SIL1: variants seen among roughly 807,000 people sequenced by gnomAD.
SIL1 encodes the protein nucleotide exchange factor SIL1.
In SIL1, 40 loss-of-function variants were observed where a neutral mutation model predicts 49.1. The observed-to-expected ratio is 0.81, with a 90% confidence interval of 0.63 to 1.06. The LOEUF is 1.06. SIL1 is among the 50% of genes least tolerant of loss of function. The pLI is 0.00. For synonymous variants in SIL1, 253 were observed against 250.8 expected (o/e 1.01, Z -0.08); for missense variants, 500 against 572.6 (o/e 0.87, Z 1.29).
At chr5:139,161,455 C>G (rs1751512398) in intron 1 of SIL1, among the ~76,000 whole-genome samples, 1 of 152,094 alleles carries the variant, frequency 6.6e-6, no homozygotes, top group Non-Finnish European at 1.5e-5. Context: ...GAAAAAGGAG[C>G]CCTAGACATG....
chr5:139,005,136 C>G (rs931317885), intron 7 of SIL1, among the ~76,000 whole-genome samples: 3 of 152,106 alleles, frequency 2.0e-5, no homozygotes, highest in Non-Finnish European at 4.4e-5. Context: ...GTTAAGTGCT[C>G]TCACCACAAA....
chr5:139,120,302 AGGCTCTGGGGTCAAT>A (rs1750597605), intron 3 of SIL1, among the ~76,000 whole-genome samples: 1 of 152,362 alleles, frequency 6.6e-6, no homozygotes, highest in East Asian at 1.9e-4. Context: ...GAGTAGGCCC[AGGCTCTGGGGTCAAT>A]GGCATAGGGC....
At chr5:138,977,932 T>C (rs959749603) in intron 7 of SIL1, among the ~76,000 whole-genome samples, 1 of 152,220 alleles carries the variant, frequency 6.6e-6, no homozygotes, top group African/African-American at 2.4e-5. Flanking sequence ...TACATATGGC[T>C]GACTCAATCT....
At chr5:139,095,847 A>T (rs1419768805) in intron 3 of SIL1, among the ~76,000 whole-genome samples, 1 of 152,102 alleles carries the variant, frequency 6.6e-6, no homozygotes, top group African/African-American at 2.4e-5. Flanking sequence ...AAAAAAAAAA[A>T]ATTTAAAGAA....
intron 1 of SIL1, among the ~76,000 whole-genome samples, chr5:139,170,988 G>A (rs1255048527): frequency 8.1e-5 from 12 of 148,610 alleles, no homozygotes; most frequent in East Asian, 2.0e-4. Flanking sequence ...CGCCCCGTCC[G>A]GGAGGTGAGG....
chr5:139,154,230 TAA>T (rs34596830), intron 1 of SIL1, among the ~76,000 whole-genome samples: 3 of 151,664 alleles, frequency 2.0e-5, no homozygotes, highest in African/African-American at 7.3e-5. Flanking sequence ...AAATATCAGG[TAA>T]AAAAAAAGGC....
At chr5:139,052,128 C>G (rs1317011349) in intron 3 of SIL1, among the ~76,000 whole-genome samples, 1 of 152,110 alleles carries the variant, frequency 6.6e-6, no homozygotes, top group Non-Finnish European at 1.5e-5. Flanking sequence ...CTCAAATAAT[C>G]AGGTAAACTC....
intron 3 of SIL1, among the ~76,000 whole-genome samples, chr5:139,075,208 C>A (rs1485423383): frequency 6.6e-6 from 1 of 152,214 alleles, no homozygotes. Context: ...TCTGAAAGCA[C>A]TATCCACAGA....
intron 6 of SIL1, 145 bp downstream of exon 6, chr5:139,026,656 C>T (rs991534667): frequency 1.2e-5 from 10 of 817,666 alleles, no homozygotes; most frequent in African/African-American, 1.7e-5. Flanking sequence ...TATCTTACTA[C>T]AAAAGATAAC....
intron 7 of SIL1, among the ~76,000 whole-genome samples, chr5:139,010,728 T>G (rs1315792134): frequency 9.4e-4 from 142 of 151,048 alleles, no homozygotes; most frequent in Middle Eastern, 3.4e-3. Context: ...TGCCGTGTGA[T>G]GTGTCAGTGT....
chr5:139,173,790 C>CAAAAAAAAAA (rs70982756), intron 1 of SIL1, among the ~76,000 whole-genome samples: 1 of 106,364 alleles, frequency 9.4e-6, no homozygotes, highest in Non-Finnish European at 1.9e-5. Flanking sequence ...ACTAAAAATA[C>CAAAAAAAAAA]AAAAAAAAAA....
chr5:138,991,023 G>A (rs544559193), intron 7 of SIL1, among the ~76,000 whole-genome samples: 13 of 152,290 alleles, frequency 8.5e-5, no homozygotes, highest in Admixed American at 2.0e-4. Flanking sequence ...ACCCCCAGCC[G>A]GCTTTTTAAA....
At chr5:139,039,246 C>T (rs1271646989) in intron 5 of SIL1, among the ~76,000 whole-genome samples, 1 of 152,140 alleles carries the variant, frequency 6.6e-6, no homozygotes, top group Non-Finnish European at 1.5e-5. Flanking sequence ...GAGTTCAGGC[C>T]GTCCACTTGG....
chr5:139,157,898 T>G (rs1236557860), intron 1 of SIL1, among the ~76,000 whole-genome samples: 1 of 152,246 alleles, frequency 6.6e-6, no homozygotes, highest in African/African-American at 2.4e-5. Flanking sequence ...CTTTTCTTTT[T>G]GCTAGATGCT....
At chr5:139,013,942 T>G (rs1341802699) in intron 7 of SIL1, 1 of 152,226 alleles carries the variant, frequency 6.6e-6, no homozygotes, top group East Asian at 1.9e-4. Flanking sequence ...AATTTTTGTG[T>G]TAGACCATTT....
At chr5:139,157,229 ACTGT>A (rs1415522363) in intron 1 of SIL1, among the ~76,000 whole-genome samples, 3 of 152,318 alleles carry the variant, frequency 2.0e-5, no homozygotes, top group Admixed American at 2.0e-4. Flanking sequence ...AGTAAATCAA[ACTGT>A]CTAACAAAGG....
In SIL1 at chr5:139,064,563, T is replaced by C. The variant is rs116134318; in HGVS notation, c.245-13517A>G. 6.3e-3 allele frequency among the ~76,000 whole-genome samples: 967 copies of C among 152,356 alleles called. 12 individuals are homozygous for C. Among genetic ancestry groups the C allele is most frequent in the African/African-American group, 0.022 (907 of 41,590 alleles). ...TTATTCACCTGAGCCTCCTTTCACC[T>C]GTCAAAGTGTAATGACAATCCAAAT... On this transcript the variant is annotated intron_variant, in intron 3 of 9. Coordinates refer to ENST00000394817, the MANE Select transcript of SIL1 (RefSeq NM_022464.5).
At chr5:138,974,816 C>T (rs1767361565) in intron 7 of SIL1, among the ~76,000 whole-genome samples, 1 of 152,214 alleles carries the variant, frequency 6.6e-6, no homozygotes, top group Admixed American at 6.5e-5. Context: ...TATTTCCTTA[C>T]AATGTGCTGT....
At position 139,171,188 on chromosome 5, in the gene SIL1, A is replaced by G. The variant is rs529900337; in HGVS notation, c.-11+27081T>C. On this transcript the variant is annotated intron_variant, in intron 1 of 9. Coordinates refer to ENST00000394817, the MANE Select transcript of SIL1 (RefSeq NM_022464.5). The stretch of plus-strand genomic sequence containing the variant: ...AGCCCCTCTGCCCGGCCACCACCCC[A>G]TCTGGGAGGTGTACCCAACAGCTCA... Among the ~76,000 whole-genome samples, 67 of 151,974 alleles carry G rather than the reference A, an allele frequency of 4.4e-4. 1 individual carries two copies. The highest frequency in any genetic ancestry group is 3.7e-3 in the East Asian group (19 of 5,128).
Sources: allele counts gnomAD v4.1 joint callset (sites outside exome capture counted in the v4.1 genomes callset), GRCh38; gene constraint gnomAD v4.1.1; transcripts MANE v1.5; gene names NCBI Gene and HGNC (gene_info 2026-07-23, HGNC 2026-07-21).